Variants in SPECC1 observed in about 807,000 individuals in gnomAD.
SPECC1 encodes sperm antigen with calponin homology and coiled-coil domains 1, also known as cytospin-B.
Under a neutral mutation model 104.1 loss-of-function variants are expected in SPECC1, and 62 were observed. The observed-to-expected ratio is 0.60, with a 90% CI of 0.49 to 0.74. SPECC1 has a LOEUF of 0.74. Among genes scored for constraint, SPECC1 ranks in the 30% least tolerant of loss-of-function variants. SPECC1 has a pLI of 0.00. For synonymous variants in SPECC1, 513 were observed against 501.6 expected, an observed-to-expected ratio of 1.02 and a Z score of -0.30; for missense variants, 1,306 against 1,310.5, an observed-to-expected ratio of 1.00 and a Z score of 0.05.
At chr17:20,248,739 T>C (rs1322728200) in intron 9 of SPECC1, among the ~76,000 whole-genome samples, 6 of 152,256 alleles carry the variant, frequency 3.9e-5, no homozygotes, top group African/African-American at 1.4e-4. Flanking sequence ...GTAAGAAGTA[T>C]TGATATATTG....
chr17:20,018,797 G>A (rs905087948), intron 1 of SPECC1, among the ~76,000 whole-genome samples: 4 of 152,200 alleles, frequency 2.6e-5, no homozygotes, highest in African/African-American at 9.7e-5. Context: ...TTAACTCCCC[G>A]AGGAAGGAGC....
intron 3 of SPECC1, among the ~76,000 whole-genome samples, chr17:20,199,603 C>T (rs1269695010): frequency 6.6e-6 from 1 of 151,746 alleles, no homozygotes; most frequent in Admixed American, 6.6e-5. Context: ...TAGGGTCTCA[C>T]TCTGTTGCCC....
At chr17:20,270,687 A>G (rs2040380075) in intron 12 of SPECC1, among the ~76,000 whole-genome samples, 1 of 151,872 alleles carries the variant, frequency 6.6e-6, no homozygotes, top group East Asian at 1.9e-4. Context: ...TGCTTATGCT[A>G]AATAGTTGTG....
At chr17:20,104,740 CAAAAA>C (rs745893309) in intron 2 of SPECC1, among the ~76,000 whole-genome samples, 9,099 of 56,282 alleles carry the variant, frequency 0.16, 150 homozygotes, top group South Asian at 0.21. Flanking sequence ...GAGACTGTCT[CAAAAA>C]AAAAAAAAAA....
chr17:20,062,328 T>TA (rs147649461), intron 1 of SPECC1, among the ~76,000 whole-genome samples: 3,478 of 152,146 alleles, frequency 0.023, 142 homozygotes, highest in African/African-American at 0.079. Flanking sequence ...CTTTGTGCAT[T>TA]AAAACGCTTA....
chr17:20,284,630 G>A (rs1049766098), intron 12 of SPECC1, among the ~76,000 whole-genome samples: 1 of 152,272 alleles, frequency 6.6e-6, no homozygotes, highest in African/African-American at 2.4e-5. Flanking sequence ...GACCTTCAAA[G>A]TAAGTGTGAT....
chr17:20,074,086 T>TG (rs1438630312), intron 1 of SPECC1, among the ~76,000 whole-genome samples: 1 of 152,212 alleles, frequency 6.6e-6, no homozygotes, highest in Non-Finnish European at 1.5e-5. Context: ...TGAATAGGGC[T>TG]GCTTCTGTGC....
intron 3 of SPECC1, among the ~76,000 whole-genome samples, chr17:20,161,234 A>G (rs2033118341): frequency 2.0e-5 from 3 of 152,100 alleles, no homozygotes; most frequent in Admixed American, 2.0e-4. Context: ...TTAAAATTCT[A>G]AGGTAATCTA....
chr17:20,112,762 T>G, intron 3 of SPECC1: 3 of 1,278,558 alleles, frequency 2.3e-6, no homozygotes, highest in Non-Finnish European at 3.4e-6. Context: ...AAGGTGTGGA[T>G]ATGGAAGGAA....
At chr17:20,147,105 C>A (rs1188251660) in intron 3 of SPECC1, among the ~76,000 whole-genome samples, 6 of 128,832 alleles carry the variant, frequency 4.7e-5, no homozygotes, top group South Asian at 2.4e-4. Flanking sequence ...TTTTTTGAGA[C>A]GGAGTTTCGC....
At position 20,314,072 on chromosome 17, in the gene SPECC1, A is replaced by G; in HGVS notation, c.*7A>G. The G allele has an allele frequency of 1.2e-6, 2 of 1,613,270 alleles. No homozygotes were observed. Among genetic ancestry groups the G allele is most frequent in the Non-Finnish European group, 1.7e-6 (2 of 1,179,594 alleles). ...CAAGTACTTTGAGACGTAACCCTGG[A>G]GGGCCTGGGGCAGCCACCATTGCCA... On this transcript the variant is annotated 3_prime_UTR_variant, in exon 15 of 15. Coordinates refer to ENST00000395527, the MANE Select transcript of SPECC1 (RefSeq NM_001243439.2).
intron 1 of SPECC1, among the ~76,000 whole-genome samples, chr17:20,035,345 A>G (rs2152446914): frequency 6.6e-6 from 1 of 152,230 alleles, no homozygotes; most frequent in East Asian, 1.9e-4. Flanking sequence ...TTTGGTAGTA[A>G]TAATGTTATC....
Position 20,110,500 on chromosome 17 carries a change from A to G in SPECC1, c.221A>G (p.Lys74Arg). Residue 74 changes from lysine (K) to arginine (R), a missense_variant, in exon 3 of 15, where the codon AAG becomes AGG. Lys to Arg is a conservative substitution (Grantham distance 26, BLOSUM62 2). Transcript: ENST00000395527. ...STAASGVVRL[K>R]KTATAGAISE... Reference sequence around the variant, plus strand: ...GCTGCATCGGGGGTGGTTCGCCTGAAGAAGACCGCCACTGCCGGAGCCATC... The same window carrying G: ...GCTGCATCGGGGGTGGTTCGCCTGAGGAAGACCGCCACTGCCGGAGCCATC... 1 of 1,613,804 alleles carries G rather than the reference A, an allele frequency of 6.2e-7. No homozygotes were observed. The highest frequency in any genetic ancestry group is 1.7e-5 in the Admixed American group (1 of 60,010).
intron 2 of SPECC1, among the ~76,000 whole-genome samples, chr17:20,100,020 C>A (rs903532166): frequency 4.6e-5 from 7 of 152,144 alleles, no homozygotes; most frequent in East Asian, 1.9e-4. Context: ...ACTTATGATA[C>A]CTCATGCAAT....
intron 1 of SPECC1, among the ~76,000 whole-genome samples, chr17:20,011,814 C>T (rs79406817): frequency 0.094 from 14,318 of 152,072 alleles, 776 homozygotes; most frequent in Non-Finnish European, 0.12. Flanking sequence ...ACCCTTCCAA[C>T]GAGACATTAT....
intron 2 of SPECC1, among the ~76,000 whole-genome samples, chr17:20,109,264 G>C (rs1354192020): frequency 2.0e-5 from 3 of 152,222 alleles, no homozygotes; most frequent in African/African-American, 7.2e-5. Flanking sequence ...TGTGTGATGG[G>C]CGGGGCTCGC....
intron 3 of SPECC1, among the ~76,000 whole-genome samples, chr17:20,146,731 C>T (rs929411962): frequency 2.6e-5 from 4 of 152,106 alleles, no homozygotes; most frequent in Non-Finnish European, 4.4e-5. Flanking sequence ...ATGGCAAAAC[C>T]CTGTCTCTAC....
chr17:20,032,430 G>T (rs952822247), intron 1 of SPECC1, among the ~76,000 whole-genome samples: 4 of 151,910 alleles, frequency 2.6e-5, no homozygotes, highest in Non-Finnish European at 5.9e-5. Flanking sequence ...GCCACATTTT[G>T]CTGAGATTCT....
At chr17:20,216,905 A>T (rs2037527089) in intron 4 of SPECC1, among the ~76,000 whole-genome samples, 1 of 152,058 alleles carries the variant, frequency 6.6e-6, no homozygotes, top group South Asian at 2.1e-4. Context: ...GTCTCCCTGT[A>T]GTTCCAGCTT....
Sources: allele counts gnomAD v4.1 joint callset (sites outside exome capture counted in the v4.1 genomes callset), GRCh38; gene constraint gnomAD v4.1.1; transcripts MANE v1.5; gene names NCBI Gene and HGNC (gene_info 2026-07-23, HGNC 2026-07-21).